The following AP3B2 variants were observed in gnomAD, a reference collection of about 807,000 sequenced individuals.
AP3B2 encodes the protein AP-3 complex subunit beta-2.
AP3B2 carries 50 observed loss-of-function variants against 126.9 expected under a neutral mutation model. That is an observed-to-expected ratio of 0.39 (90% CI 0.31 to 0.50). The LOEUF (loss-of-function observed/expected upper bound fraction) is 0.50, where lower values mean the gene tolerates loss of function less well. AP3B2 is among the 20% of genes least tolerant of loss of function. AP3B2 has a pLI of 0.79. For missense variants in AP3B2, 1,177 were observed against 1,426.4 expected (o/e 0.83, Z 2.82); for synonymous variants, 541 against 565.0 (o/e 0.96, Z 0.60).
chr15:82,663,076 C>T lies in AP3B2; in HGVS notation c.2604+51G>A, dbSNP rs141122935. Reference sequence around the variant, plus strand: ...CACACATCCACACCATAGGATGCAGCACAGGGATGTGTCCCTGCCCCAGCC... The same window carrying T: ...CACACATCCACACCATAGGATGCAGTACAGGGATGTGTCCCTGCCCCAGCC... On this transcript the variant is annotated intron_variant, in intron 22 of 26. Coordinates refer to ENST00000535359, the MANE Select transcript of AP3B2 (RefSeq NM_001278512.2). The T allele has an allele frequency of 3.0e-4, 455 of 1,524,504 alleles. 1 individual carries two copies. In the African/African-American group the frequency reaches 5.6e-3, roughly 19 times the overall value. 94.4% of individuals were successfully genotyped at this position (1,524,504 alleles called of 1,614,324 possible).
intron 4 of AP3B2, chr15:82,687,525 C>G (rs575452836): frequency 6.6e-6 from 1 of 152,194 alleles, no homozygotes. Context: ...ACTTGCCAAT[C>G]TAAGACGGAT....
At chr15:82,695,001 TGA>T (rs2048609651) in intron 1 of AP3B2, among the ~76,000 whole-genome samples, 1 of 151,950 alleles carries the variant, frequency 6.6e-6, no homozygotes, top group Non-Finnish European at 1.5e-5. Flanking sequence ...ACTTCCTGAG[TGA>T]GAGGAACAAC....
At chr15:82,691,923 C>G in intron 1 of AP3B2, 1 of 1,332,618 alleles carries the variant, frequency 7.5e-7, no homozygotes, top group Non-Finnish European at 1.1e-6. Flanking sequence ...TCCATGTCTT[C>G]TTTTCTGAGA....
At chr15:82,671,810 G>A (rs1172961780) in intron 14 of AP3B2, among the ~76,000 whole-genome samples, 1 of 151,778 alleles carries the variant, frequency 6.6e-6, no homozygotes, top group South Asian at 2.1e-4. Flanking sequence ...TTGGGAGGCC[G>A]AGTCGGGCAG....
At position 82,665,820 on chromosome 15, in the gene AP3B2, G is replaced by C. The variant is rs566864608; in HGVS notation, c.1853-245C>G. ...GGCCAGGGAAAGGCAGCCTACAGAG[G>C]TGGGCAGGAGGAGACTCTGGGCCCA... On this transcript the variant is annotated intron_variant, in intron 15 of 26. Transcript: ENST00000535359. The surrounding 1 kb of genome is among the most constrained non-coding windows in gnomAD (Gnocchi z 4.4). Among the ~76,000 whole-genome samples, 12 of 152,330 alleles carry C rather than the reference G, an allele frequency of 7.9e-5. No individual in the cohort carries two copies. Among genetic ancestry groups the C allele is most frequent in the Admixed American group, 5.9e-4 (9 of 15,306 alleles).
At chr15:82,704,421 T>C (rs1310727862) in intron 1 of AP3B2, among the ~76,000 whole-genome samples, 1 of 152,216 alleles carries the variant, frequency 6.6e-6, no homozygotes, top group Non-Finnish European at 1.5e-5. Flanking sequence ...TTGCCTCCAC[T>C]GTGAGAGAAA....
At position 82,676,625 on chromosome 15, in the gene AP3B2, G is replaced by A. The variant is rs1238718850; in HGVS notation, c.1501C>T (p.Arg501Ter). Residue 501 changes from arginine (R) to a stop codon, truncating the protein, a stop_gained, in exon 14 of 27, where the codon CGA becomes TGA. Coordinates refer to ENST00000535359, the MANE Select transcript of AP3B2 (RefSeq NM_001278512.2). LOFTEE classifies it high-confidence loss of function. ...CCGATGAGCCACAGGATGCTGGCTC[G>A]GGCCATGGGCACCTGTGGTTGTGGG... The part of the protein sequence containing the change: ...LTDNIQVPMA[R>*]ASILWLIGEY... 5 of 1,613,638 alleles carry A rather than the reference G, an allele frequency of 3.1e-6. No homozygotes were observed. Among genetic ancestry groups the A allele is most frequent in the Non-Finnish European group, 3.4e-6 (4 of 1,179,818 alleles).
Position 82,664,992 on chromosome 15 carries a change from A to C in AP3B2, c.2029-49T>G. The C allele has an allele frequency of 1.4e-6, 2 of 1,396,222 alleles. No homozygotes were observed. The highest frequency in any genetic ancestry group is 2.0e-6 in the Non-Finnish European group (2 of 1,001,190). 86.5% of individuals were successfully genotyped at this position (1,396,222 alleles called of 1,614,324 possible). On this transcript the variant is annotated intron_variant, in intron 17 of 26. Transcript: ENST00000535359. This position sits in a 1 kb window ranked among gnomAD's most constrained non-coding sequence, Gnocchi z 4.5. ...GGTCATTTCATCATGGTTGGGGAGAAGGCAGGCAGGCACAAGCCCTTACCC... is the reference window on the plus strand; with the variant it reads ...GGTCATTTCATCATGGTTGGGGAGACGGCAGGCAGGCACAAGCCCTTACCC...
intron 4 of AP3B2, among the ~76,000 whole-genome samples, chr15:82,684,655 C>T (rs1055921482): frequency 4.6e-5 from 7 of 152,202 alleles, no homozygotes; most frequent in African/African-American, 1.7e-4. Flanking sequence ...GCTAAGACTA[C>T]AGGTGCGTAC....
chr15:82,665,347 G>A lies in AP3B2; in HGVS notation c.1972-44C>T, dbSNP rs2048033270. On this transcript the variant is annotated intron_variant, in intron 16 of 26. Coordinates refer to ENST00000535359, the MANE Select transcript of AP3B2 (RefSeq NM_001278512.2). The surrounding 1 kb of genome is among the most constrained non-coding windows in gnomAD (Gnocchi z 4.4). ...GTGTTAGGAGGGCTGGGCCGGCACTGCCAGGGCTCCCTACTGTCTGCCCCC... is the reference window on the plus strand; with the variant it reads ...GTGTTAGGAGGGCTGGGCCGGCACTACCAGGGCTCCCTACTGTCTGCCCCC... 1 of 1,584,992 alleles carries A rather than the reference G, an allele frequency of 6.3e-7. No individual in the cohort carries two copies. The highest frequency in any genetic ancestry group is 8.6e-7 in the Non-Finnish European group (1 of 1,168,646).
At position 82,664,443 on chromosome 15, in the gene AP3B2, C is replaced by G. The variant is rs377674537; in HGVS notation, c.2185G>C (p.Gly729Arg). The G allele has an allele frequency of 3.1e-6, 5 of 1,613,800 alleles. No homozygotes were observed. The African/African-American group carries it at 5.3e-5, about 17-fold the overall frequency. ...ESDSKSSSES[G>R]SGESSSESDN... ...GACTCACTGCTGGACTCCCCAGAGC[C>G]GCTCTCACTGCTGCTCTTACTGTCC... The change falls in exon 19 of 27, where the codon GGC becomes CGC. Residue 729 changes from glycine (G) to arginine (R), a missense_variant. Transcript: ENST00000535359. This position sits in a 1 kb window ranked among gnomAD's most constrained non-coding sequence, Gnocchi z 4.5.
Position 82,681,577 on chromosome 15 carries a change from G to A in AP3B2, c.364C>T (p.Pro122Ser). ...ISTFQRGLKD[P>S]NQLIRASALR... ...GCACTGGCACGAATCAGCTGGTTGG[G>A]ATCCTAAAGGCAGAGGTGGAGGCAG... Residue 122 changes from proline to serine, a missense_variant, in exon 5 of 27, where the codon CCC becomes TCC. Pro to Ser is a moderately conservative substitution (Grantham distance 74). This residue lies in a region of AP3B2 where 130 missense variants were observed against 262.0 expected (regional missense o/e 0.50). Coordinates refer to ENST00000535359, the MANE Select transcript of AP3B2 (RefSeq NM_001278512.2). The surrounding 1 kb of genome is among the most constrained non-coding windows in gnomAD (Gnocchi z 4.0). 6.2e-7 allele frequency: 1 copy of A among 1,612,944 alleles called. No homozygotes were observed. Among genetic ancestry groups the A allele is most frequent in the Non-Finnish European group, 8.5e-7 (1 of 1,179,738 alleles).
chr15:82,683,406 C>A (rs2048378019), intron 4 of AP3B2, among the ~76,000 whole-genome samples: 1 of 152,166 alleles, frequency 6.6e-6, no homozygotes, highest in Non-Finnish European at 1.5e-5. Flanking sequence ...AGAAGCAAGT[C>A]CTCATCCATT....
At chr15:82,682,874 C>G (rs1374802876) in intron 4 of AP3B2, among the ~76,000 whole-genome samples, 1 of 151,544 alleles carries the variant, frequency 6.6e-6, no homozygotes, top group Non-Finnish European at 1.5e-5. Flanking sequence ...ATTGCTTGAG[C>G]CTAGGAGTTC....
At position 82,665,262 on chromosome 15, in the gene AP3B2, C is replaced by A; in HGVS notation, c.2013G>T (p.Leu671Phe). 1 of 1,540,572 alleles carries A rather than the reference C, an allele frequency of 6.5e-7. No individual in the cohort carries two copies. Among genetic ancestry groups the A allele is most frequent in the South Asian group, 1.2e-5 (1 of 84,714 alleles). The change falls in exon 17 of 27, where the codon TTG (leucine) becomes TTT (phenylalanine). Residue 671 changes from leucine to phenylalanine, a missense_variant. This residue lies in a region of AP3B2 where 587 missense variants were observed against 571.3 expected (regional missense o/e 1.03). Coordinates refer to ENST00000535359, the MANE Select transcript of AP3B2 (RefSeq NM_001278512.2). This position sits in a 1 kb window ranked among gnomAD's most constrained non-coding sequence, Gnocchi z 4.4. ...LSLIETHVGL[L>F]GEYTEVPEWT... Reference sequence around the variant, plus strand: ...AAGGTGGGACCTCAGTGTATTCGCCCAACAGGCCCACGTGAGTCTCAATAA... The same window carrying A: ...AAGGTGGGACCTCAGTGTATTCGCCAAACAGGCCCACGTGAGTCTCAATAA...
intron 1 of AP3B2, among the ~76,000 whole-genome samples, chr15:82,708,068 G>A (rs2151464999): frequency 6.6e-6 from 1 of 152,276 alleles, no homozygotes; most frequent in East Asian, 1.9e-4. Flanking sequence ...TATCCCCTGT[G>A]ACCTGCACGT....
chr15:82,695,487 G>A (rs1428447283), intron 1 of AP3B2, among the ~76,000 whole-genome samples: 5 of 152,032 alleles, frequency 3.3e-5, no homozygotes, highest in Non-Finnish European at 7.4e-5. Flanking sequence ...CCAAAGATGC[G>A]ATCAATCATG....
chr15:82,685,187 A>T (rs545765832), intron 4 of AP3B2: 2 of 152,370 alleles, frequency 1.3e-5, no homozygotes, highest in South Asian at 4.1e-4. Context: ...ACCATAACAT[A>T]TAATAATCAT....
chr15:82,709,873 C>T lies in AP3B2; in HGVS notation c.-167G>A, dbSNP rs752230322. 2.0e-6 allele frequency: 1 copy of T among 492,716 alleles called. No individual in the cohort carries two copies. Among genetic ancestry groups the T allele is most frequent in the Non-Finnish European group, 3.4e-6 (1 of 293,430 alleles). The allele number at this position is 492,716 out of a possible 1,614,324, so 30.5% of individuals were successfully genotyped here. On this transcript the variant is annotated 5_prime_UTR_variant, in exon 1 of 27. Coordinates refer to ENST00000535359, the MANE Select transcript of AP3B2 (RefSeq NM_001278512.2). ...AGCGGCGGAGGCTGCGCGCGGATTTCTCAATCAGGGCCGCGCGCTGAGGTC... is the reference window on the plus strand; with the variant it reads ...AGCGGCGGAGGCTGCGCGCGGATTTTTCAATCAGGGCCGCGCGCTGAGGTC...
Sources: gnomAD v4.1 joint callset for allele counts (sites outside exome capture counted in the v4.1 genomes callset) on GRCh38, gnomAD v4.1.1 for gene constraint, gnomAD v4.1.1 regional missense constraint, Gnocchi (gnomAD v3.1) non-coding constraint, MANE v1.5 for transcripts, NCBI Gene and HGNC (gene_info 2026-07-23, HGNC 2026-07-21) for gene names.